The following PSG2 variants were observed in gnomAD, a reference collection of about 807,000 sequenced individuals.
The protein encoded by PSG2 is pregnancy specific beta-1-glycoprotein 2.
In PSG2, 49 loss-of-function variants were observed where a neutral mutation model predicts 36.2. That is an observed-to-expected ratio of 1.35 (90% confidence interval 1.08 to 1.72). PSG2 has a LOEUF of 1.72. Ranked by LOEUF, PSG2 falls within the 40% of genes most tolerant of loss-of-function variation. PSG2 has a pLI of 0.00. For missense variants in PSG2, 605 were observed against 407.2 expected, an observed-to-expected ratio of 1.49 and a Z score of -4.18; for synonymous variants, 261 against 155.6, an observed-to-expected ratio of 1.68 and a Z score of -5.04.
chr19:43,068,455 C>CAAAAAAAA (rs558588522), intron 4 of PSG2, among the ~76,000 whole-genome samples: 1 of 81,758 alleles, frequency 1.2e-5, no homozygotes, highest in Non-Finnish European at 2.9e-5. Flanking sequence ...CTCTTTTCAA[C>CAAAAAAAA]AAAAAAAAAA....
chr19:43,070,427 GA>G (rs1179478019), intron 4 of PSG2, among the ~76,000 whole-genome samples: 1 of 151,674 alleles, frequency 6.6e-6, no homozygotes, highest in East Asian at 1.9e-4. Flanking sequence ...TCACACTAGC[GA>G]AAAAATGGAA....
rs1377044856 is a variant in PSG2 at position 43,076,384 on chromosome 19, C to T, written c.431-752G>A. ...TCTGGGTCCACAATGCTCCCTTCCC[C>T]CTGTAGAGGGCAGGTGAGGACGATG... On this transcript the variant is annotated intron_variant, in intron 2 of 5. Coordinates refer to ENST00000406487, the MANE Select transcript of PSG2 (RefSeq NM_031246.4). Among the ~76,000 whole-genome samples the T allele has an allele frequency of 4.0e-5, 6 of 151,832 alleles. 1 individual carries two copies. Among genetic ancestry groups the T allele is most frequent in the African/African-American group, 1.5e-4 (6 of 41,228 alleles).
rs535665434 is a variant in PSG2 at position 43,072,356 on chromosome 19, A to G, written c.710-402T>C. 7 of 1,612,438 alleles carry G rather than the reference A, an allele frequency of 4.3e-6. 1 individual carries two copies. Among genetic ancestry groups the G allele is most frequent in the Non-Finnish European group, 5.9e-6 (7 of 1,179,548 alleles). On this transcript the variant is annotated intron_variant, in intron 3 of 5. Transcript: ENST00000406487. Reference sequence around the variant, plus strand: ...CACAGAGGAACAAAAGATACAGAGGACATTCAGGGTGACTGGGTCACTGTG... The same window carrying G: ...CACAGAGGAACAAAAGATACAGAGGGCATTCAGGGTGACTGGGTCACTGTG...
chr19:43,080,913 C>T lies in PSG2; in HGVS notation c.398G>A (p.Gly133Glu). Residue 133 changes from glycine (G) to glutamate (E), a missense_variant, in exon 2 of 6, where the codon GGA becomes GAA. Coordinates refer to ENST00000406487, the MANE Select transcript of PSG2 (RefSeq NM_031246.4). ...HIIKRGDGTR[G>E]VTGYFTFTLY... ...GGTGAAGGTGAAATATCCAGTTACT[C>T]CTCTAGTCCCATCACCTCGCTTTAT... 6.2e-7 allele frequency: 1 copy of T among 1,612,692 alleles called. No homozygotes were observed. Among genetic ancestry groups the T allele is most frequent in the Non-Finnish European group, 8.5e-7 (1 of 1,179,426 alleles).
chr19:43,072,496 C>G lies in PSG2; in HGVS notation c.710-542G>C, dbSNP rs543456410. On this transcript the variant is annotated intron_variant, in intron 3 of 5. Transcript: ENST00000406487. ...TGGGTCGCTTTACCCTGGGACTGAC[C>G]GGGAGGCTCTGACCATTTAGCCACC... is the stretch of plus-strand genomic sequence containing the variant. The G allele has an allele frequency of 1.5e-3, 2,444 of 1,611,086 alleles. 30 individuals carry two copies. The highest frequency in any genetic ancestry group is 1.9e-3 in the Non-Finnish European group (2,266 of 1,179,624).
In PSG2 at chr19:43,069,474, A is replaced by G. The variant is rs576887506; in HGVS notation, c.964+2226T>C. On this transcript the variant is annotated intron_variant, in intron 4 of 5. Coordinates refer to ENST00000406487, the MANE Select transcript of PSG2 (RefSeq NM_031246.4). ...ATTTCAGCATTTACTACAAAGCCCC[A>G]GTAATCAATACAGTGTGGTACTGGC... Among the ~76,000 whole-genome samples the G allele has an allele frequency of 2.0e-5, 3 of 151,942 alleles. No homozygotes were observed. In the East Asian group the frequency reaches 5.8e-4, roughly 29 times the overall value.
Position 43,071,689 on chromosome 19 carries a change from G to A in PSG2, c.964+11C>T. The A allele has an allele frequency of 6.2e-7, 1 of 1,612,900 alleles. No homozygotes were observed. Among genetic ancestry groups the A allele is most frequent in the East Asian group, 2.2e-5 (1 of 44,880 alleles). On this transcript the variant is annotated intron_variant, in intron 4 of 5. Transcript: ENST00000406487. ...AAAACCCTACTGCCAAGGATGCTGG[G>A]ATCCACTTACCAGAGACTTTGACTG... is the stretch of plus-strand genomic sequence containing the variant.
chr19:43,072,242 G>T, intron 3 of PSG2: 2 of 1,521,724 alleles, frequency 1.3e-6, no homozygotes, highest in Non-Finnish European at 1.8e-6. Context: ...CAGCTTGGAT[G>T]TCCAGAAGTA....
Position 43,070,568 on chromosome 19 carries a change from A to G in PSG2, c.964+1132T>C, listed in dbSNP as rs147162224. Among the ~76,000 whole-genome samples the G allele has an allele frequency of 7.4e-3, 1,131 of 151,870 alleles. 52 individuals carry two copies. Among genetic ancestry groups the G allele is most frequent in the African/African-American group, 0.026 (1,086 of 41,226 alleles). ...TGCAAAATGGATGAACCTTGAAGAT[A>G]TTATGCTAACTGAAATAAGCCAGAC... On this transcript the variant is annotated intron_variant, in intron 4 of 5. Transcript: ENST00000406487.
Position 43,081,170 on chromosome 19 carries a change from C to T in PSG2, c.141G>A (p.Glu47=), listed in dbSNP as rs996827529. 3 of 1,612,722 alleles carry T rather than the reference C, an allele frequency of 1.9e-6. No individual in the cohort carries two copies. Among genetic ancestry groups the T allele is most frequent in the East Asian group, 2.2e-5 (1 of 44,850 alleles). Residue 47 remains glutamate (E), a synonymous_variant, in exon 2 of 6, where the codon GAG becomes GAA. Coordinates refer to ENST00000406487, the MANE Select transcript of PSG2 (RefSeq NM_031246.4). The stretch of plus-strand genomic sequence containing the variant: ...GGACAAGTAGAAGAACATCCTTCCC[C>T]TCGGAAACTTTTGGTGGCTGGGCTT... The part of the protein sequence containing the change: ...TIEAQPPKVS[E]GKDVLLLVHN...
intron 4 of PSG2, among the ~76,000 whole-genome samples, chr19:43,071,493 G>C (rs1232768234): frequency 5.9e-5 from 9 of 151,544 alleles, no homozygotes; most frequent in South Asian, 2.1e-4. Flanking sequence ...TTTCTCAGGC[G>C]AGACACAAGG....
chr19:43,082,294 C>T (rs1967991811), intron 1 of PSG2: 5 of 700,404 alleles, frequency 7.1e-6, no homozygotes, highest in Non-Finnish European at 8.9e-6. Context: ...GAACACACGA[C>T]AATACCTGGT....
Position 43,064,355 on chromosome 19 carries a change from T to A in PSG2, c.*287A>T, listed in dbSNP as rs1343359379. On this transcript the variant is annotated 3_prime_UTR_variant, in exon 6 of 6. Coordinates refer to ENST00000406487, the MANE Select transcript of PSG2 (RefSeq NM_031246.4). ...ACTTTACCAATTGCTCAAGAAAAAA[T>A]GTTCATAAATCTGGAGAATGAAACA... The A allele has an allele frequency of 2.4e-5, 7 of 292,686 alleles. No individual in the cohort carries two copies. Among genetic ancestry groups the A allele is most frequent in the African/African-American group, 4.5e-5 (2 of 44,896 alleles). 18.1% of individuals were successfully genotyped at this position (292,686 alleles called of 1,614,324 possible).
At chr19:43,081,292 G>T in intron 1 of PSG2, 46 bp from the exon 2 acceptor site, 2 of 1,575,506 alleles carry the variant, frequency 1.3e-6, no homozygotes, top group Non-Finnish European at 1.7e-6. Context: ...CCTATGTATT[G>T]GGGTGAAAAG....
chr19:43,067,337 G>A (rs1186929358), intron 4 of PSG2, among the ~76,000 whole-genome samples: 3 of 151,162 alleles, frequency 2.0e-5, no homozygotes, highest in African/African-American at 7.4e-5. Context: ...ATGCATCTCA[G>A]TTGGTAAATA....
intron 4 of PSG2, among the ~76,000 whole-genome samples, chr19:43,071,035 T>C (rs10425508): frequency 0.3 from 44,857 of 151,294 alleles, 8,760 homozygotes; most frequent in African/African-American, 0.53. Context: ...GGACCAGGCT[T>C]AGGAGTCTGC....
intron 2 of PSG2, among the ~76,000 whole-genome samples, chr19:43,078,910 C>T (rs985790252): frequency 1.3e-5 from 2 of 151,478 alleles, no homozygotes; most frequent in African/African-American, 2.4e-5. Context: ...AGGGGAAGAG[C>T]CCTTGATGGG....
rs754761195 is a variant in PSG2 at position 43,075,583 on chromosome 19, C to T, written c.480G>A (p.Glu160=). The change falls in exon 3 of 6, where the codon GAG becomes GAA. Residue 160 remains glutamate, a synonymous_variant. Transcript: ENST00000406487. ...SISSSNLNPR[E]AMETVILTCD... is the part of the protein sequence containing the mutation. ...AGGTTAAGATCACAGTTTCCATGGC[C>T]TCCCTGGGGTTTAAGTTGCTGCTGG... The T allele has an allele frequency of 5.0e-6, 8 of 1,613,126 alleles. No individual in the cohort carries two copies. In the Admixed American group the frequency reaches 6.7e-5, roughly 13 times the overall value.
chr19:43,079,679 C>T (rs987730472), intron 2 of PSG2, among the ~76,000 whole-genome samples: 2 of 151,574 alleles, frequency 1.3e-5, no homozygotes, highest in African/African-American at 4.9e-5. Context: ...GGGAGGCCTG[C>T]TCATGTTTTT....
Sources: gnomAD v4.1 joint callset for allele counts (sites outside exome capture counted in the v4.1 genomes callset) on GRCh38, gnomAD v4.1.1 for gene constraint, MANE v1.5 for transcripts, NCBI Gene and HGNC (gene_info 2026-07-23, HGNC 2026-07-21) for gene names.